The following LIN54 variants were observed in gnomAD, a reference collection of about 807,000 sequenced individuals.
The protein encoded by LIN54 is protein lin-54 homolog.
Under a neutral mutation model 78.7 loss-of-function variants are expected in LIN54, and 9 were observed. The ratio of observed to expected loss-of-function variants is 0.11; its 90% CI spans 0.07 to 0.20. The LOEUF (loss-of-function observed/expected upper bound fraction) is 0.20. Among genes scored for constraint, LIN54 ranks in the 10% least tolerant of loss-of-function variants. The pLI, the probability that LIN54 is intolerant of heterozygous loss-of-function variation, is 1.00. For synonymous variants in LIN54, 269 were observed against 318.4 expected (o/e 0.84, Z 1.65); for missense variants, 573 against 889.9 (o/e 0.64, Z 4.53).
chr4:82,956,669 A>AT (rs1724361825), intron 4 of LIN54, among the ~76,000 whole-genome samples: 1 of 152,190 alleles, frequency 6.6e-6, no homozygotes, highest in South Asian at 2.1e-4. Context: ...CAATCAACAT[A>AT]ATATATAAAT....
chr4:82,984,500 A>T lies in LIN54; in HGVS notation c.345T>A (p.Ile115=). The T allele has an allele frequency of 1.2e-6, 2 of 1,614,198 alleles. No individual in the cohort carries two copies. Among genetic ancestry groups the T allele is most frequent in the Non-Finnish European group, 1.7e-6 (2 of 1,180,020 alleles). The change falls in exon 2 of 13, where the codon ATT becomes ATA. Residue 115 remains isoleucine, a synonymous_variant. Transcript: ENST00000340417. ...ATGTCTGTGATACTTTGTTTAAAATAATCTGATTGGCTGATATAGTCACAG... is the reference window on the plus strand; with the variant it reads ...ATGTCTGTGATACTTTGTTTAAAATTATCTGATTGGCTGATATAGTCACAG... The part of the protein sequence containing the change: ...QTPVTISANQ[I]ILNKVSQTSD...
chr4:82,944,398 T>C (rs1448652688), intron 5 of LIN54, among the ~76,000 whole-genome samples: 3 of 152,148 alleles, frequency 2.0e-5, no homozygotes, highest in South Asian at 4.1e-4. Context: ...CCTAAGTAGA[T>C]TGGACTTATA....
chr4:82,993,185 C>T (rs1176723519), intron 1 of LIN54, among the ~76,000 whole-genome samples: 4 of 149,812 alleles, frequency 2.7e-5, no homozygotes, highest in African/African-American at 7.4e-5. Context: ...TACCTCTTTG[C>T]TTCTGTTTGA....
At chr4:82,967,215 A>G (rs1192230597) in intron 4 of LIN54, among the ~76,000 whole-genome samples, 1 of 149,398 alleles carries the variant, frequency 6.7e-6, no homozygotes, top group Non-Finnish European at 1.5e-5. Flanking sequence ...ACAGAGCAAG[A>G]CTCCATCTCA....
intron 12 of LIN54, among the ~76,000 whole-genome samples, chr4:82,928,843 C>CCT (rs1462456984): frequency 6.6e-5 from 10 of 152,190 alleles, no homozygotes; most frequent in Admixed American, 1.3e-4. Context: ...CTGCATCGTT[C>CCT]TAGCACAACA....
chr4:82,989,437 C>G (rs1322720854), intron 1 of LIN54, among the ~76,000 whole-genome samples: 2 of 152,128 alleles, frequency 1.3e-5, no homozygotes, highest in Non-Finnish European at 2.9e-5. Flanking sequence ...ATCACAACAA[C>G]AATATACAAC....
chr4:82,990,230 T>G (rs1727543275), intron 1 of LIN54, among the ~76,000 whole-genome samples: 1 of 152,230 alleles, frequency 6.6e-6, no homozygotes, highest in Non-Finnish European at 1.5e-5. Context: ...GGTCTGAGAC[T>G]TTCAACTCTC....
rs556305817 is a variant in LIN54, at chr4:82,985,498, G to A, written c.-32-622C>T. On this transcript the variant is annotated intron_variant, in intron 1 of 12. Coordinates refer to ENST00000340417, the MANE Select transcript of LIN54 (RefSeq NM_194282.4). Reference sequence around the variant, plus strand: ...CTTCATACCAGGGAAATTTTTATTTGGAAAGAAGATTCTCAAACCCTCCTT... The same window carrying A: ...CTTCATACCAGGGAAATTTTTATTTAGAAAGAAGATTCTCAAACCCTCCTT... Among the ~76,000 whole-genome samples, 15 of 152,226 alleles carry A rather than the reference G, an allele frequency of 9.9e-5. No homozygotes were observed. The South Asian group carries it at 2.9e-3, about 29-fold the overall frequency.
intron 4 of LIN54, among the ~76,000 whole-genome samples, chr4:82,957,528 C>G (rs1724428729): frequency 1.3e-5 from 2 of 152,196 alleles, no homozygotes; most frequent in South Asian, 4.1e-4. Context: ...CCCTCCAAAG[C>G]ATTTCCAATA....
chr4:82,993,345 T>C lies in LIN54; in HGVS notation c.-32-8469A>G, dbSNP rs1727908240. ...GGTTCTCCTGCCTCAGCCTCCCAAG[T>C]AGCTGGGATTATAGGCATGCGCCAC... On this transcript the variant is annotated intron_variant, in intron 1 of 12. Coordinates refer to ENST00000340417, the MANE Select transcript of LIN54 (RefSeq NM_194282.4). Among the ~76,000 whole-genome samples, 4 of 151,054 alleles carry C rather than the reference T, an allele frequency of 2.6e-5. No individual in the cohort carries two copies. In the South Asian group the frequency reaches 8.4e-4, roughly 32 times the overall value.
intron 1 of LIN54, among the ~76,000 whole-genome samples, chr4:82,988,669 G>A (rs1330404601): frequency 6.6e-6 from 1 of 152,136 alleles, no homozygotes; most frequent in Non-Finnish European, 1.5e-5. Context: ...CTCCAGCAAT[G>A]TATGAGAGTT....
chr4:82,927,356 T>C lies in LIN54; in HGVS notation c.*746A>G, dbSNP rs1721564724. On this transcript the variant is annotated 3_prime_UTR_variant, in exon 13 of 13. Transcript: ENST00000340417. ...CATTTTAATAGTACCCAGTAATCAC[T>C]TTGACAATTTATTACTTCAAATACA... 1.3e-5 allele frequency: 2 copies of C among 152,176 alleles called. No individual in the cohort carries two copies. Among genetic ancestry groups the C allele is most frequent in the Admixed American group, 1.3e-4 (2 of 15,272 alleles). 9.4% of individuals were successfully genotyped at this position (152,176 alleles called of 1,614,324 possible).
intron 4 of LIN54, among the ~76,000 whole-genome samples, chr4:82,968,042 TG>T (rs1318934977): frequency 1.3e-5 from 2 of 151,606 alleles, no homozygotes; most frequent in Non-Finnish European, 2.9e-5. Flanking sequence ...TTTTGTTTTT[TG>T]TTTTTTTTTT....
chr4:82,969,381 C>T (rs1391407649), intron 4 of LIN54, among the ~76,000 whole-genome samples: 5 of 152,102 alleles, frequency 3.3e-5, no homozygotes, highest in Admixed American at 3.3e-4. Flanking sequence ...AATGAAATAC[C>T]TTATCTTATT....
intron 1 of LIN54, among the ~76,000 whole-genome samples, chr4:82,997,207 CAT>C (rs1728299205): frequency 1.3e-5 from 2 of 152,044 alleles, no homozygotes; most frequent in Non-Finnish European, 2.9e-5. Flanking sequence ...GAATTATTTA[CAT>C]TGGACTTTGA....
intron 2 of LIN54, among the ~76,000 whole-genome samples, chr4:82,980,641 A>C (rs1726557852): frequency 6.6e-6 from 1 of 152,144 alleles, no homozygotes; most frequent in Admixed American, 6.6e-5. Context: ...AAATAAATCT[A>C]TAATTATACT....
At chr4:82,989,064 T>C (rs1288473213) in intron 1 of LIN54, among the ~76,000 whole-genome samples, 1 of 151,960 alleles carries the variant, frequency 6.6e-6, no homozygotes, top group African/African-American at 2.4e-5. Context: ...GGTGGGTGCC[T>C]GTAGTCCCAG....
At chr4:82,994,650 T>C (rs1299138302) in intron 1 of LIN54, among the ~76,000 whole-genome samples, 1 of 152,084 alleles carries the variant, frequency 6.6e-6, no homozygotes, top group Non-Finnish European at 1.5e-5. Context: ...TCCGCCCTCC[T>C]TGGCCTCCCG....
chr4:82,941,672 AAAAG>A (rs746335874), intron 5 of LIN54, among the ~76,000 whole-genome samples: 1 of 152,190 alleles, frequency 6.6e-6, no homozygotes. Context: ...GTGGGAATAA[AAAAG>A]AGAGAGCAGA....
Sources: gnomAD v4.1 joint callset for allele counts (sites outside exome capture counted in the v4.1 genomes callset) on GRCh38, gnomAD v4.1.1 for gene constraint, MANE v1.5 for transcripts, NCBI Gene and HGNC (gene_info 2026-07-23, HGNC 2026-07-21) for gene names.